The following ZNF527 variants were observed in gnomAD, a reference collection of about 807,000 sequenced individuals.
The protein encoded by ZNF527 is zinc finger protein 527.
Under a neutral mutation model 13.5 loss-of-function variants are expected in ZNF527, and 5 were observed. That is an observed-to-expected ratio of 0.37 (90% CI 0.19 to 0.78). ZNF527 has a LOEUF of 0.78. ZNF527 is among the 30% of genes least tolerant of loss of function. The probability of loss-of-function intolerance (pLI) is 0.48; values close to 1 mark genes in which losing one functional copy is unlikely to be tolerated. For missense variants in ZNF527, 628 were observed against 726.4 expected (o/e 0.86, Z 1.56); for synonymous variants, 209 against 243.1 (o/e 0.86, Z 1.30).
intron 4 of ZNF527, among the ~76,000 whole-genome samples, chr19:37,386,850 T>A (rs1600271001): frequency 6.6e-6 from 1 of 152,196 alleles, no homozygotes; most frequent in African/African-American, 2.4e-5. Context: ...TGGCTTCAGG[T>A]GATGCCTACA....
At chr19:37,375,338 TCCTTTCTTTC>T (rs2040598055) in intron 2 of ZNF527, among the ~76,000 whole-genome samples, 45 of 115,810 alleles carry the variant, frequency 3.9e-4, no homozygotes, top group East Asian at 7.7e-4. Flanking sequence ...TTTCTTTCTT[TCCTTTCTTTC>T]CTTTCTTTCT....
intron 4 of ZNF527, among the ~76,000 whole-genome samples, chr19:37,386,140 C>CTTTTTTTTTTTTTTCT (rs2040696935): frequency 1.4e-5 from 1 of 72,456 alleles, no homozygotes; most frequent in Non-Finnish European, 2.3e-5. Context: ...TCTTCTTTTC[C>CTTTTTTTTTTTTTTCT]TTTTTTTTTT....
intron 4 of ZNF527, chr19:37,385,503 G>A: frequency 2.5e-6 from 1 of 395,716 alleles, no homozygotes; most frequent in Non-Finnish European, 4.4e-6. Context: ...AAAATGCAAG[G>A]GCTTAGGTCC....
At chr19:37,371,805 T>A (rs1170255224) in intron 1 of ZNF527, among the ~76,000 whole-genome samples, 1 of 152,154 alleles carries the variant, frequency 6.6e-6, no homozygotes, top group African/African-American at 2.4e-5. Context: ...TATGTGGCTG[T>A]GTATTGTGTG....
At chr19:37,380,848 G>A (rs1329665163) in intron 4 of ZNF527, among the ~76,000 whole-genome samples, 1 of 152,002 alleles carries the variant, frequency 6.6e-6, no homozygotes, top group Non-Finnish European at 1.5e-5. Flanking sequence ...TTCCTAGAGC[G>A]ATCCACTTTC....
At chr19:37,371,996 C>CTT (rs201374770) in intron 1 of ZNF527, among the ~76,000 whole-genome samples, 3 of 138,122 alleles carry the variant, frequency 2.2e-5, no homozygotes, top group Non-Finnish European at 4.7e-5. Context: ...AGAGGTCTCG[C>CTT]TTTTTTTTTT....
chr19:37,388,368 A>G lies in ZNF527; in HGVS notation c.319A>G (p.Ile107Val), dbSNP rs771734327. 2.5e-6 allele frequency: 4 copies of G among 1,614,026 alleles called. No homozygotes were observed. Among genetic ancestry groups the G allele is most frequent in the South Asian group, 1.1e-5 (1 of 91,082 alleles). Residue 107 changes from isoleucine to valine, a missense_variant, in exon 5 of 5, where the codon ATA becomes GTA. Coordinates refer to ENST00000436120, the MANE Select transcript of ZNF527 (RefSeq NM_032453.2). ...SPKWFIDEDE[I>V]SQEMVMERLA... ...AAAATGGTTCATTGATGAAGATGAA[A>G]TATCCCAGGAGATGGTAATGGAAAG...
In ZNF527 at chr19:37,374,139, A is replaced by G. The variant is rs2146803390; in HGVS notation, c.-41-19A>G. ...AGGGCTGGCACATCATCATTTCTTC[A>G]TTAACTCTCCCTTCTCAGGACTTTG... is the stretch of plus-strand genomic sequence containing the variant. On this transcript the variant is annotated intron_variant, in intron 1 of 4. Transcript: ENST00000436120. 1 of 1,547,342 alleles carries G rather than the reference A, an allele frequency of 6.5e-7. No individual in the cohort carries two copies. The highest frequency in any genetic ancestry group is 8.9e-7 in the Non-Finnish European group (1 of 1,119,734).
intron 1 of ZNF527, 113 bp from the exon 2 acceptor site, chr19:37,374,045 G>A (rs2040580025): frequency 1.4e-6 from 1 of 711,914 alleles, no homozygotes; most frequent in African/African-American, 1.8e-5. Context: ...TCTTGGAAAA[G>A]GTGAGGCTGG....
chr19:37,380,283 C>A lies in ZNF527; in HGVS notation c.167C>A (p.Ser56Tyr), dbSNP rs939102958. The change falls in exon 4 of 5, where the codon TCC (serine) becomes TAC (tyrosine). Residue 56 changes from serine to tyrosine, a missense_variant. Ser to Tyr is a moderately radical substitution (Grantham distance 144). This residue lies in a region of ZNF527 where 592 missense variants were observed against 678.0 expected (regional missense o/e 0.87). Coordinates refer to ENST00000436120, the MANE Select transcript of ZNF527 (RefSeq NM_032453.2). The stretch of plus-strand genomic sequence containing the variant: ...TTTCTTCCCCTGTGAACAGGACTCT[C>A]CATTTCTAAGCCCAACATGATCTCC... Reference protein sequence around the residue: ...NYRNLVWLGLSISKPNMISLL... With the variant: ...NYRNLVWLGLYISKPNMISLL... 6.2e-7 allele frequency: 1 copy of A among 1,613,994 alleles called. No homozygotes were observed. The highest frequency in any genetic ancestry group is 1.7e-5 in the Admixed American group (1 of 60,014).
chr19:37,375,303 TTTCTTTCTTTTCTTTC>T (rs1351344320), intron 2 of ZNF527, among the ~76,000 whole-genome samples: 27 of 104,622 alleles, frequency 2.6e-4, no homozygotes, highest in African/African-American at 5.7e-4. Flanking sequence ...TCTTTCTTTC[TTTCTTTCTTTTCTTTC>T]TTTCTTTCTT....
At chr19:37,378,994 T>C in intron 2 of ZNF527, 126 bp from the exon 3 acceptor site, 1 of 1,019,592 alleles carries the variant, frequency 9.8e-7, no homozygotes, top group Non-Finnish European at 1.4e-6. Flanking sequence ...CCTCAGCATG[T>C]AATTGTTCTC....
At position 37,392,593 on chromosome 19, in the gene ZNF527, T is replaced by C. The variant is rs2040763473; in HGVS notation, c.*2714T>C. Reference sequence around the variant, plus strand: ...TTCTGTAGAGATGGGGTTTCGCGAGTTGCCCAGGCTGGTCTCCAACTCTTG... The same window carrying C: ...TTCTGTAGAGATGGGGTTTCGCGAGCTGCCCAGGCTGGTCTCCAACTCTTG... On this transcript the variant is annotated 3_prime_UTR_variant, in exon 5 of 5. Coordinates refer to ENST00000436120, the MANE Select transcript of ZNF527 (RefSeq NM_032453.2). 6.6e-6 allele frequency: 1 copy of C among 152,058 alleles called. No individual in the cohort carries two copies. Among genetic ancestry groups the C allele is most frequent in the African/African-American group, 2.4e-5 (1 of 41,396 alleles). 9.4% of individuals were successfully genotyped at this position (152,058 alleles called of 1,614,324 possible).
chr19:37,388,746 C>G lies in ZNF527; in HGVS notation c.697C>G (p.Leu233Val). 1 of 1,612,776 alleles carries G rather than the reference C, an allele frequency of 6.2e-7. No homozygotes were observed. The highest frequency in any genetic ancestry group is 8.5e-7 in the Non-Finnish European group (1 of 1,179,752). The change falls in exon 5 of 5, where the codon CTT (leucine) becomes GTT (valine). Residue 233 changes from leucine to valine, a missense_variant. This residue lies in a region of ZNF527 where 592 missense variants were observed against 678.0 expected (regional missense o/e 0.87). Transcript: ENST00000436120. ...TGAAGAATTCAACCAGAGTACGTACCTTAGTAAAGATATAGGAATTCCTCC... is the reference window on the plus strand; with the variant it reads ...TGAAGAATTCAACCAGAGTACGTACGTTAGTAAAGATATAGGAATTCCTCC... ...ECEEFNQSTY[L>V]SKDIGIPPGE...
Position 37,388,746 on chromosome 19 carries a change from C to T in ZNF527, c.697C>T (p.Leu233Phe), listed in dbSNP as rs1432699929. Residue 233 changes from leucine (L) to phenylalanine (F), a missense_variant, in exon 5 of 5, where the codon CTT (leucine) becomes TTT (phenylalanine). Coordinates refer to ENST00000436120, the MANE Select transcript of ZNF527 (RefSeq NM_032453.2). Reference sequence around the variant, plus strand: ...TGAAGAATTCAACCAGAGTACGTACCTTAGTAAAGATATAGGAATTCCTCC... The same window carrying T: ...TGAAGAATTCAACCAGAGTACGTACTTTAGTAAAGATATAGGAATTCCTCC... ...ECEEFNQSTY[L>F]SKDIGIPPGE... 5.0e-6 allele frequency: 8 copies of T among 1,612,658 alleles called. No individual in the cohort carries two copies. The highest frequency in any genetic ancestry group is 6.8e-6 in the Non-Finnish European group (8 of 1,179,760).
In ZNF527 at chr19:37,389,962, C is replaced by A. The variant is rs2040738833; in HGVS notation, c.*83C>A. On this transcript the variant is annotated 3_prime_UTR_variant, in exon 5 of 5. Coordinates refer to ENST00000436120, the MANE Select transcript of ZNF527 (RefSeq NM_032453.2). ...AGTGAGTTCTTTTTGGTTAGTAATT[C>A]TTTGAATGTAGTTCATATTTCAGTT... 1.4e-6 allele frequency: 2 copies of A among 1,462,812 alleles called. No homozygotes were observed. The highest frequency in any genetic ancestry group is 1.4e-5 in the South Asian group (1 of 70,696). 90.6% of individuals were successfully genotyped at this position (1,462,812 alleles called of 1,614,324 possible). A position where few individuals can be genotyped will look rare whatever the true frequency, so the allele number is the denominator to read the frequency against.
intron 4 of ZNF527, chr19:37,384,764 T>A: frequency 1.9e-6 from 1 of 525,408 alleles, no homozygotes; most frequent in Non-Finnish European, 3.4e-6. Flanking sequence ...TTTAATTTAC[T>A]AGTGATATTA....
chr19:37,379,291 T>A, intron 3 of ZNF527, 45 bp downstream of exon 3: 1 of 1,533,722 alleles, frequency 6.5e-7, no homozygotes, highest in Non-Finnish European at 8.7e-7. Context: ...TCCTCTGGGG[T>A]GTTTTTGCTT....
chr19:37,379,366 C>T, intron 3 of ZNF527, 120 bp downstream of exon 3: 1 of 944,080 alleles, frequency 1.1e-6, no homozygotes, highest in Non-Finnish European at 1.5e-6. Context: ...CTTTCTACTT[C>T]CTGTTCCCAG....
Sources: gnomAD v4.1 joint callset for allele counts (sites outside exome capture counted in the v4.1 genomes callset) on GRCh38, gnomAD v4.1.1 for gene constraint, gnomAD v4.1.1 regional missense constraint, MANE v1.5 for transcripts, NCBI Gene and HGNC (gene_info 2026-07-23, HGNC 2026-07-21) for gene names.